DCC: variants seen among roughly 807,000 people sequenced by gnomAD.
DCC encodes the protein DCC netrin 1 receptor, also known as netrin receptor DCC.
In DCC, 58 loss-of-function variants were observed where a neutral mutation model predicts 172.5. That is an observed-to-expected ratio of 0.34 (90% CI 0.27 to 0.42). The LOEUF is 0.42. Ranked by LOEUF, DCC falls within the 10% of genes least tolerant of loss-of-function variation. The pLI, the probability that DCC is intolerant of heterozygous loss-of-function variation, is 1.00. For synonymous variants in DCC, 709 were observed against 644.5 expected, an observed-to-expected ratio of 1.10 and a Z score of -1.52; for missense variants, 1,740 against 1,791.0, an observed-to-expected ratio of 0.97 and a Z score of 0.51.
intron 1 of DCC, among the ~76,000 whole-genome samples, chr18:52,565,619 G>T (rs1413747358): frequency 6.6e-6 from 1 of 152,040 alleles, no homozygotes; most frequent in Non-Finnish European, 1.5e-5. Flanking sequence ...TCATATGTTT[G>T]TTGGCTGCAA....
At chr18:53,201,688 A>C (rs2055539647) in intron 9 of DCC, among the ~76,000 whole-genome samples, 1 of 152,194 alleles carries the variant, frequency 6.6e-6, no homozygotes, top group Non-Finnish European at 1.5e-5. Context: ...CATTAAGGAA[A>C]TGTCTGCTTT....
At chr18:52,516,941 T>A (rs2031661719) in intron 1 of DCC, among the ~76,000 whole-genome samples, 2 of 152,222 alleles carry the variant, frequency 1.3e-5, no homozygotes, top group African/African-American at 4.8e-5. Context: ...GAGGCACTTG[T>A]TCATTTTAAG....
At chr18:52,351,520 C>T (rs556843473) in intron 1 of DCC, among the ~76,000 whole-genome samples, 15 of 151,908 alleles carry the variant, frequency 9.9e-5, no homozygotes, top group African/African-American at 2.9e-4. Flanking sequence ...TGTATGCAAC[C>T]GAGAGAGGGA....
intron 7 of DCC, among the ~76,000 whole-genome samples, chr18:53,135,038 T>C (rs2043718997): frequency 6.6e-6 from 1 of 152,296 alleles, no homozygotes; most frequent in African/African-American, 2.4e-5. Context: ...TAGGAACCTA[T>C]AATTGCTAGA....
intron 9 of DCC, among the ~76,000 whole-genome samples, chr18:53,202,400 C>T (rs2055552573): frequency 6.6e-6 from 1 of 151,964 alleles, no homozygotes; most frequent in Admixed American, 6.6e-5. Flanking sequence ...TCCATGTGCC[C>T]ATTGAAATAA....
chr18:52,499,816 C>A (rs1267410273), intron 1 of DCC, among the ~76,000 whole-genome samples: 1 of 152,084 alleles, frequency 6.6e-6, no homozygotes, highest in Non-Finnish European at 1.5e-5. Context: ...AATGTTTGCA[C>A]TAGTGACTCA....
chr18:52,639,695 C>T (rs4940198), intron 1 of DCC, among the ~76,000 whole-genome samples: 37,703 of 151,794 alleles, frequency 0.25, 5,503 homozygotes, highest in Non-Finnish European at 0.34. Context: ...AGATCAATAA[C>T]GAGCAGCAAG....
At chr18:53,443,108 A>G (rs530232500) in intron 22 of DCC, among the ~76,000 whole-genome samples, 1 of 152,352 alleles carries the variant, frequency 6.6e-6, no homozygotes, top group South Asian at 2.1e-4. Flanking sequence ...GCTGCACTAA[A>G]CAAGAGATTT....
intron 12 of DCC, among the ~76,000 whole-genome samples, chr18:53,297,393 A>C (rs111652208): frequency 0.016 from 2,498 of 152,282 alleles, 64 homozygotes; most frequent in African/African-American, 0.056. Context: ...TAAATTTTAT[A>C]GTTCTTATTT....
At chr18:53,088,646 A>T (rs376195250) in intron 7 of DCC, among the ~76,000 whole-genome samples, 4 of 152,346 alleles carry the variant, frequency 2.6e-5, no homozygotes, top group African/African-American at 9.6e-5. Flanking sequence ...TGAAAGGATC[A>T]ACAGAATTGA....
chr18:53,386,138 G>A lies in DCC; in HGVS notation c.2455G>A (p.Asp819Asn), dbSNP rs181197485. The change falls in exon 16 of 29, where the codon GAT becomes AAT. Residue 819 changes from aspartate (D) to asparagine (N), a missense_variant and splice_region_variant. Asp to Asn is a conservative substitution (Grantham distance 23). Coordinates refer to ENST00000442544, the MANE Select transcript of DCC (RefSeq NM_005215.4). ...AAGTGCCACCACCAGGTCTATAACC[G>A]GTAAGTGAAATTGTTAATCTTCCTC... ...YESATTRSIT[D>N]PTDPVDYYPL... 829 of 1,587,760 alleles carry A rather than the reference G, an allele frequency of 5.2e-4. No individual in the cohort carries two copies. The highest frequency in any genetic ancestry group is 6.7e-4 in the Non-Finnish European group (776 of 1,156,218).
intron 8 of DCC, among the ~76,000 whole-genome samples, chr18:53,165,394 G>A (rs1222695688): frequency 6.6e-6 from 1 of 152,138 alleles, no homozygotes; most frequent in African/African-American, 2.4e-5. Flanking sequence ...TTTTGATGTG[G>A]TGTTTACATA....
chr18:53,057,079 TAA>T (rs11316527), intron 5 of DCC, among the ~76,000 whole-genome samples: 19,508 of 89,748 alleles, frequency 0.22, 1,278 homozygotes, highest in East Asian at 0.36. Flanking sequence ...CTTCTAAAAG[TAA>T]AAAAAAAAAA....
intron 2 of DCC, among the ~76,000 whole-genome samples, chr18:52,789,730 T>G (rs1199210760): frequency 6.6e-6 from 1 of 152,238 alleles, no homozygotes. Flanking sequence ...GTAAAGGAGA[T>G]CTGACCCAAA....
chr18:53,149,029 G>GT (rs1390263705), intron 7 of DCC, among the ~76,000 whole-genome samples: 4 of 151,640 alleles, frequency 2.6e-5, no homozygotes, highest in African/African-American at 9.7e-5. Context: ...CACCCGGCTA[G>GT]TTTTTGTATT....
intron 2 of DCC, among the ~76,000 whole-genome samples, chr18:52,776,336 C>T (rs2037431943): frequency 6.6e-6 from 1 of 151,778 alleles, no homozygotes; most frequent in Non-Finnish European, 1.5e-5. Context: ...ATATTTATAA[C>T]TTATAGTTTT....
chr18:52,849,581 T>A (rs776861876), intron 2 of DCC, among the ~76,000 whole-genome samples: 101 of 152,312 alleles, frequency 6.6e-4, no homozygotes, highest in East Asian at 7.7e-4. Flanking sequence ...CAATATAGCA[T>A]CTTTTGTACC....
At chr18:53,215,504 A>G in intron 11 of DCC, 44 bp from the exon 12 acceptor site, 1 of 1,530,456 alleles carries the variant, frequency 6.5e-7, no homozygotes, top group Non-Finnish European at 9.1e-7. Flanking sequence ...TTTTTCTTTC[A>G]AGATTTTGGC....
chr18:53,062,757 T>C (rs1352909181), intron 5 of DCC, among the ~76,000 whole-genome samples: 1 of 152,114 alleles, frequency 6.6e-6, no homozygotes, highest in African/African-American at 2.4e-5. Flanking sequence ...CAGTAGATAA[T>C]TGCTAAGACA....
Sources: gnomAD v4.1 joint callset for allele counts (sites outside exome capture counted in the v4.1 genomes callset) on GRCh38, gnomAD v4.1.1 for gene constraint, MANE v1.5 for transcripts, NCBI Gene and HGNC (gene_info 2026-07-23, HGNC 2026-07-21) for gene names.